CEP112: variants seen among roughly 807,000 people sequenced by gnomAD.
The protein encoded by CEP112 is centrosomal protein 112, also known as centrosomal protein of 112 kDa.
In CEP112, 127 loss-of-function variants were observed where a neutral mutation model predicts 153.0. The observed-to-expected ratio is 0.83, with a 90% confidence interval of 0.72 to 0.96. The LOEUF is 0.96. Ranked by LOEUF, CEP112 falls within the 40% of genes least tolerant of loss-of-function variation. The pLI, the probability that CEP112 is intolerant of heterozygous loss-of-function variation, is 0.00. For missense variants in CEP112, 1,089 were observed against 1,101.2 expected, an observed-to-expected ratio of 0.99 and a Z score of 0.16; for synonymous variants, 358 against 374.4, an observed-to-expected ratio of 0.96 and a Z score of 0.51.
At chr17:65,864,913 AGTGTGTGTGTGTGTGTGTGTGTGT>A (rs6146121) in intron 20 of CEP112, among the ~76,000 whole-genome samples, 21,243 of 144,542 alleles carry the variant, frequency 0.15, 2,378 homozygotes, top group East Asian at 0.59. Flanking sequence ...GGGGTAAGCA[AGTGTGTGTGTGTGTGTGTGTGTGT>A]GTGTGTGTGT....
intron 23 of CEP112, among the ~76,000 whole-genome samples, chr17:65,700,613 C>T (rs975394091): frequency 6.6e-5 from 10 of 152,024 alleles, no homozygotes; most frequent in Non-Finnish European, 1.2e-4. Flanking sequence ...ACATGGGTTG[C>T]GGCTCAAACT....
At chr17:65,962,727 T>TAGTG (rs10674718) in intron 17 of CEP112, among the ~76,000 whole-genome samples, 72,451 of 151,386 alleles carry the variant, frequency 0.48, 18,255 homozygotes, top group East Asian at 0.89. Context: ...GTTCTCATGA[T>TAGTG]AGTGAGTCTA....
At chr17:66,047,810 C>T (rs185181648) in intron 12 of CEP112, among the ~76,000 whole-genome samples, 10 of 152,188 alleles carry the variant, frequency 6.6e-5, no homozygotes, top group Admixed American at 6.5e-4. Context: ...CCTAAAGACC[C>T]CAGAGTACTG....
At chr17:65,657,069 A>G (rs2046099463) in intron 24 of CEP112, among the ~76,000 whole-genome samples, 2 of 152,208 alleles carry the variant, frequency 1.3e-5, no homozygotes, top group South Asian at 4.1e-4. Flanking sequence ...GGCTGCTGAG[A>G]TCAAAGAGGA....
At chr17:66,034,378 T>G (rs996521995) in intron 12 of CEP112, among the ~76,000 whole-genome samples, 34 of 152,178 alleles carry the variant, frequency 2.2e-4, no homozygotes, top group African/African-American at 7.5e-4. Flanking sequence ...CCCCTCTATA[T>G]TAAAAGAATT....
chr17:66,110,343 A>T (rs2068972913), intron 6 of CEP112, among the ~76,000 whole-genome samples: 1 of 151,750 alleles, frequency 6.6e-6, no homozygotes, highest in Non-Finnish European at 1.5e-5. Context: ...AAAAGAAAAA[A>T]AAAAGAAAAA....
chr17:65,878,975 C>G (rs1383801713), intron 20 of CEP112, among the ~76,000 whole-genome samples: 2 of 152,192 alleles, frequency 1.3e-5, no homozygotes, highest in Non-Finnish European at 2.9e-5. Flanking sequence ...AAAACCAGAA[C>G]TCACTCTAAA....
rs150575088 is a variant in CEP112, at chr17:65,637,215, AG to A, written c.2800-28del. On this transcript the variant is annotated intron_variant, in intron 25 of 26. Coordinates refer to ENST00000535342, the MANE Select transcript of CEP112 (RefSeq NM_001199165.4). The stretch of plus-strand genomic sequence containing the variant: ...TAGAAAAGACACCTTGTGTGAGAAG[AG>A]GTGGACGTGGCTTACATGTCAATAT... 462 of 1,548,432 alleles carry A rather than the reference AG, an allele frequency of 3.0e-4. 5 individuals are homozygous for A. The African/African-American group carries it at 5.8e-3, about 19-fold the overall frequency.
intron 21 of CEP112, among the ~76,000 whole-genome samples, chr17:65,799,184 T>G (rs1475480997): frequency 6.6e-6 from 1 of 152,194 alleles, no homozygotes; most frequent in East Asian, 1.9e-4. Context: ...GGCAAAAAAT[T>G]TCCTGAATAA....
At chr17:66,154,246 G>A (rs2071337574) in intron 4 of CEP112, among the ~76,000 whole-genome samples, 1 of 152,042 alleles carries the variant, frequency 6.6e-6, no homozygotes, top group African/African-American at 2.4e-5. Context: ...TGGGCACGGT[G>A]GCTCATGTCT....
At chr17:66,065,259 T>C (rs2067070870) in intron 10 of CEP112, among the ~76,000 whole-genome samples, 1 of 152,180 alleles carries the variant, frequency 6.6e-6, no homozygotes, top group Non-Finnish European at 1.5e-5. Context: ...GCAGGGACTT[T>C]ATATATTATT....
At chr17:66,079,965 A>T (rs898499817) in intron 8 of CEP112, among the ~76,000 whole-genome samples, 1 of 152,148 alleles carries the variant, frequency 6.6e-6, no homozygotes, top group African/African-American at 2.4e-5. Context: ...TAGGTAGAAA[A>T]ATGAAACTGG....
At chr17:66,163,343 G>A (rs1461542367) in intron 4 of CEP112, among the ~76,000 whole-genome samples, 2 of 152,064 alleles carry the variant, frequency 1.3e-5, no homozygotes, top group Non-Finnish European at 2.9e-5. Context: ...CTGATTTTCT[G>A]TCTTTTCATT....
chr17:65,902,719 T>C (rs2059921236), intron 19 of CEP112, among the ~76,000 whole-genome samples: 1 of 152,142 alleles, frequency 6.6e-6, no homozygotes, highest in Non-Finnish European at 1.5e-5. Context: ...ATTAAATCGG[T>C]CAGCTTTCTT....
intron 21 of CEP112, among the ~76,000 whole-genome samples, chr17:65,813,635 T>G (rs1335193762): frequency 3.9e-5 from 6 of 152,220 alleles, no homozygotes; most frequent in African/African-American, 1.4e-4. Flanking sequence ...TGAGCCTCAG[T>G]ATCGCCTACA....
At position 65,711,948 on chromosome 17, in the gene CEP112, C is replaced by T. The variant is rs73336872; in HGVS notation, c.2608-22730G>A. Reference sequence around the variant, plus strand: ...CATGTACTCACTGCATGCATTTTGGCAAAGTACAAGGGTAGAAACAAAGCA... The same window carrying T: ...CATGTACTCACTGCATGCATTTTGGTAAAGTACAAGGGTAGAAACAAAGCA... On this transcript the variant is annotated intron_variant, in intron 23 of 26. Coordinates refer to ENST00000535342, the MANE Select transcript of CEP112 (RefSeq NM_001199165.4). Among the ~76,000 whole-genome samples the T allele has an allele frequency of 7.6e-3, 1,159 of 152,320 alleles. 19 individuals are homozygous for T. Among genetic ancestry groups the T allele is most frequent in the African/African-American group, 0.026 (1,091 of 41,566 alleles).
intron 26 of CEP112, chr17:65,636,622 T>G (rs2143176670): frequency 6.5e-6 from 1 of 154,510 alleles, no homozygotes; most frequent in South Asian, 2.1e-4. Context: ...CTTTTGTTTT[T>G]TTTTTTGGAG....
rs139205654 is a variant in CEP112 at position 65,957,416 on chromosome 17, G to A, written c.1872+4047C>T. ...TGTTCCTAACATCTTTTCATATTTCGATTGAGTACTCTTGCCTTTAGCATG... is the reference window on the plus strand; with the variant it reads ...TGTTCCTAACATCTTTTCATATTTCAATTGAGTACTCTTGCCTTTAGCATG... On this transcript the variant is annotated intron_variant, in intron 18 of 26. Transcript: ENST00000535342. Among the ~76,000 whole-genome samples, 103 of 152,042 alleles carry A rather than the reference G, an allele frequency of 6.8e-4. 1 individual carries two copies. Among genetic ancestry groups the A allele is most frequent in the African/African-American group, 2.4e-3 (99 of 41,472 alleles).
chr17:65,989,903 A>G (rs1161074675), intron 17 of CEP112, among the ~76,000 whole-genome samples: 2 of 152,148 alleles, frequency 1.3e-5, no homozygotes, highest in Non-Finnish European at 2.9e-5. Flanking sequence ...AAGTTTTTTC[A>G]TTTTTTGTTT....
Sources: allele counts gnomAD v4.1 joint callset (sites outside exome capture counted in the v4.1 genomes callset), GRCh38; gene constraint gnomAD v4.1.1; transcripts MANE v1.5; gene names NCBI Gene and HGNC (gene_info 2026-07-23, HGNC 2026-07-21).